Variants in PTP4A3 observed in about 807,000 individuals in gnomAD.
The protein encoded by PTP4A3 is protein tyrosine phosphatase 4A3.
A neutral mutation model predicts 15.2 loss-of-function variants in PTP4A3; 9 were observed. The observed-to-expected ratio is 0.59, with a 90% CI of 0.36 to 1.03. PTP4A3 has a LOEUF of 1.03. Among genes scored for constraint, PTP4A3 ranks in the 50% least tolerant of loss-of-function variants. The pLI is 0.02. For synonymous variants in PTP4A3, 95 were observed against 102.0 expected, an observed-to-expected ratio of 0.93 and a Z score of 0.41; for missense variants, 234 against 252.1, an observed-to-expected ratio of 0.93 and a Z score of 0.49.
intron 2 of PTP4A3, among the ~76,000 whole-genome samples, chr8:141,423,806 TC>T (rs2130209193): frequency 6.8e-6 from 1 of 147,154 alleles, no homozygotes; most frequent in East Asian, 2.1e-4. Flanking sequence ...GGAGGGCTCA[TC>T]CTGTGACCAG....
intron 1 of PTP4A3, among the ~76,000 whole-genome samples, chr8:141,411,493 G>A (rs1158011179): frequency 4.6e-5 from 7 of 152,228 alleles, no homozygotes; most frequent in Non-Finnish European, 8.8e-5. Context: ...GGGGGTGCCA[G>A]GCTGCGTCTC....
intron 1 of PTP4A3, among the ~76,000 whole-genome samples, chr8:141,401,272 A>G (rs1832582681): frequency 1.3e-5 from 2 of 152,088 alleles, no homozygotes; most frequent in Admixed American, 6.5e-5. Context: ...GCACCTGCAC[A>G]TCTGCACGTC....
chr8:141,396,013 G>A (rs943027079), intron 1 of PTP4A3, among the ~76,000 whole-genome samples: 1 of 152,120 alleles, frequency 6.6e-6, no homozygotes, highest in Non-Finnish European at 1.5e-5. Context: ...ACCTGCCCCC[G>A]CCAACCCTGC....
At position 141,425,196 on chromosome 8, in the gene PTP4A3, C is replaced by CGGGGGGGGGGGGGGG; in HGVS notation, c.198+62_198+63insGGGGGGGGGGGGGGG. 2.8e-6 allele frequency: 1 copy of CGGGGGGGGGGGGGGG among 361,484 alleles called. No homozygotes were observed. The highest frequency in any genetic ancestry group is 6.7e-5 in the East Asian group (1 of 14,872). 22.4% of individuals were successfully genotyped at this position (361,484 alleles called of 1,614,324 possible). On this transcript the variant is annotated intron_variant, in intron 3 of 5. Transcript: ENST00000521578. The surrounding 1 kb of genome is among the most constrained non-coding windows in gnomAD (Gnocchi z 4.2). ...CTGCTGCCACCGGGGGAGGGTGGGGCGGGGGGCTCCGGGCCTGCGCAGAGG... is the reference window on the plus strand; with the variant it reads ...CTGCTGCCACCGGGGGAGGGTGGGGCGGGGGGGGGGGGGGGGGGGGGCTCCGGGCCTGCGCAGAGG...
chr8:141,426,200 CTGG>C (rs1248697858), intron 3 of PTP4A3, among the ~76,000 whole-genome samples: 1 of 152,190 alleles, frequency 6.6e-6, no homozygotes, highest in Non-Finnish European at 1.5e-5. Context: ...AGCCCCATGC[CTGG>C]CACAGTCCCT....
At position 141,425,196 on chromosome 8, in the gene PTP4A3, C is replaced by CGG; in HGVS notation, c.198+61_198+62dup. ...CTGCTGCCACCGGGGGAGGGTGGGG[C>CGG]GGGGGGCTCCGGGCCTGCGCAGAGG... On this transcript the variant is annotated intron_variant, in intron 3 of 5. Transcript: ENST00000521578. The surrounding 1 kb of genome is among the most constrained non-coding windows in gnomAD (Gnocchi z 4.2). 2.8e-6 allele frequency: 1 copy of CGG among 361,484 alleles called. No individual in the cohort carries two copies. Among genetic ancestry groups the CGG allele is most frequent in the Non-Finnish European group, 5.4e-6 (1 of 185,988 alleles). The allele number at this position is 361,484 out of a possible 1,614,324, so 22.4% of individuals were successfully genotyped here.
intron 1 of PTP4A3, among the ~76,000 whole-genome samples, chr8:141,394,846 C>T (rs892931564): frequency 2.0e-5 from 3 of 152,242 alleles, no homozygotes; most frequent in African/African-American, 7.2e-5. Flanking sequence ...GGAGGAGGTA[C>T]TGCACTTCGC....
rs550826238 is a variant in PTP4A3 at position 141,406,744 on chromosome 8, CT to C, written c.-853-14641del. ...GCATGCCACCGACAGCCCGCCTCTT[CT>C]TTCCATCTTAATCCATCTTGCCAGC... On this transcript the variant is annotated intron_variant, in intron 1 of 5. Transcript: ENST00000521578. The surrounding 1 kb of genome is among the most constrained non-coding windows in gnomAD (Gnocchi z 4.5). Among the ~76,000 whole-genome samples, 28 of 152,190 alleles carry C rather than the reference CT, an allele frequency of 1.8e-4. No homozygotes were observed. The highest frequency in any genetic ancestry group is 3.7e-4 in the Non-Finnish European group (25 of 68,030).
chr8:141,393,625 C>T (rs1397374714), intron 1 of PTP4A3, among the ~76,000 whole-genome samples: 3 of 152,362 alleles, frequency 2.0e-5, no homozygotes, highest in Admixed American at 6.5e-5. Flanking sequence ...GATGCAGCCT[C>T]CAGGTGGTTT....
chr8:141,424,808 C>T (rs1170232696), intron 2 of PTP4A3, among the ~76,000 whole-genome samples: 3 of 152,128 alleles, frequency 2.0e-5, no homozygotes, highest in African/African-American at 7.2e-5. Flanking sequence ...GACCTCACTG[C>T]ATCAGGGTCT....
rs1327625228 is a variant in PTP4A3 at position 141,425,623 on chromosome 8, TG to T, written c.198+490del. Among the ~76,000 whole-genome samples the T allele has an allele frequency of 1.3e-5, 1 of 76,918 alleles. No individual in the cohort carries two copies. Among genetic ancestry groups the T allele is most frequent in the African/African-American group, 5.1e-5 (1 of 19,672 alleles). The allele number at this position is 76,918 out of a possible 152,430, so 50.5% of individuals were successfully genotyped here. A position where few individuals can be genotyped will look rare whatever the true frequency, so the allele number is the denominator to read the frequency against. On this transcript the variant is annotated intron_variant, in intron 3 of 5. Coordinates refer to ENST00000521578, the MANE Select transcript of PTP4A3 (RefSeq NM_032611.3). This position sits in a 1 kb window ranked among gnomAD's most constrained non-coding sequence, Gnocchi z 4.2. ...TGGGGCGGTTCTGCTGCGATATCCT[TG>T]GGGGGGTGGGCCACAGCAGCTGCAG...
At chr8:141,404,703 C>T (rs763162533) in intron 1 of PTP4A3, among the ~76,000 whole-genome samples, 8 of 152,158 alleles carry the variant, frequency 5.3e-5, no homozygotes, top group Non-Finnish European at 1.2e-4. Flanking sequence ...TCTGCAGAGG[C>T]AGGGGCTCCA....
chr8:141,430,445 C>T lies in PTP4A3; in HGVS notation c.405-482C>T, dbSNP rs549251370. ...CAGGGTGAGCGCATAGCCCAGGTCC[C>T]CGCTGTAAGGACCAGGTGGTGGGGA... On this transcript the variant is annotated intron_variant, in intron 5 of 5. Coordinates refer to ENST00000521578, the MANE Select transcript of PTP4A3 (RefSeq NM_032611.3). Among the ~76,000 whole-genome samples the T allele has an allele frequency of 4.6e-5, 7 of 152,182 alleles. No individual in the cohort carries two copies. In the South Asian group the frequency reaches 1.5e-3, roughly 32 times the overall value.
intron 1 of PTP4A3, among the ~76,000 whole-genome samples, chr8:141,392,727 A>T (rs1177833380): frequency 2.6e-5 from 4 of 152,204 alleles, no homozygotes; most frequent in Non-Finnish European, 5.9e-5. Flanking sequence ...GCCCCTGGGC[A>T]GCTGGTGGCC....
Position 141,400,647 on chromosome 8 carries a change from G to A in PTP4A3, c.-854+8563G>A, listed in dbSNP as rs73713619. Among the ~76,000 whole-genome samples the A allele has an allele frequency of 4.5e-3, 683 of 152,282 alleles. 5 individuals are homozygous for A. The highest frequency in any genetic ancestry group is 0.016 in the African/African-American group (654 of 41,550). Reference sequence around the variant, plus strand: ...CACCGGGGTGAGTCTTTCTTGGCCCGCTGGCAGAACCCTGGGTCAGATGGG... The same window carrying A: ...CACCGGGGTGAGTCTTTCTTGGCCCACTGGCAGAACCCTGGGTCAGATGGG... On this transcript the variant is annotated intron_variant, in intron 1 of 5. Transcript: ENST00000521578.
intron 1 of PTP4A3, among the ~76,000 whole-genome samples, chr8:141,418,186 C>G (rs1833142997): frequency 6.6e-6 from 1 of 152,146 alleles, no homozygotes; most frequent in Non-Finnish European, 1.5e-5. Flanking sequence ...CCCGGGACTC[C>G]CCAGAGCGCC....
intron 1 of PTP4A3, among the ~76,000 whole-genome samples, chr8:141,420,430 G>T (rs1314538624): frequency 1.3e-5 from 2 of 152,206 alleles, no homozygotes; most frequent in African/African-American, 4.8e-5. Flanking sequence ...GAGGGAAGGG[G>T]GCTGCGTGCT....
Position 141,421,586 on chromosome 8 carries a change from C to T in PTP4A3, c.-655C>T, listed in dbSNP as rs1287755127. 1 of 152,736 alleles carries T rather than the reference C, an allele frequency of 6.5e-6. No individual in the cohort carries two copies. Among genetic ancestry groups the T allele is most frequent in the African/African-American group, 2.4e-5 (1 of 41,478 alleles). The allele number at this position is 152,736 out of a possible 1,614,324, so 9.5% of individuals were successfully genotyped here. ...TACCGCCTGAGCCCCCTGCCCCACTCCAGGACTCACCGTACCCCGATGGGG... is the reference window on the plus strand; with the variant it reads ...TACCGCCTGAGCCCCCTGCCCCACTTCAGGACTCACCGTACCCCGATGGGG... On this transcript the variant is annotated 5_prime_UTR_variant, in exon 2 of 6. Coordinates refer to ENST00000521578, the MANE Select transcript of PTP4A3 (RefSeq NM_032611.3).
intron 3 of PTP4A3, chr8:141,426,395 G>C (rs1387373309): frequency 7.2e-6 from 7 of 977,336 alleles, no homozygotes; most frequent in Non-Finnish European, 8.5e-6. Context: ...GCCGGGGCCC[G>C]GTGGAACCGC....
Sources: gnomAD v4.1 joint callset for allele counts (sites outside exome capture counted in the v4.1 genomes callset) on GRCh38, gnomAD v4.1.1 for gene constraint, Gnocchi (gnomAD v3.1) non-coding constraint, MANE v1.5 for transcripts, NCBI Gene and HGNC (gene_info 2026-07-23, HGNC 2026-07-21) for gene names.